SEPTIN12: variants seen among roughly 807,000 people sequenced by gnomAD.
The protein encoded by SEPTIN12 is septin-12.
A neutral mutation model predicts 37.7 loss-of-function variants in SEPTIN12; 42 were observed. The observed-to-expected ratio is 1.11, with a 90% CI of 0.87 to 1.44. The LOEUF is 1.44. SEPTIN12 is among the 40% of genes most tolerant of loss of function. SEPTIN12 has a pLI of 0.00. For synonymous variants in SEPTIN12, 254 were observed against 196.7 expected (o/e 1.29, Z -2.44); for missense variants, 613 against 479.2 (o/e 1.28, Z -2.61).
chr16:4,788,740 T>A (rs1422125000), upstream of SEPTIN12: 1 of 152,200 alleles, frequency 6.6e-6, no homozygotes, highest in Non-Finnish European at 1.5e-5. Flanking sequence ...AGCCCAAAGA[T>A]GTTAACTTGT....
chr16:4,778,025 G>A (rs373721803), intron 9 of SEPTIN12, 27 bp from the exon 10 acceptor site: 45 of 1,612,278 alleles, frequency 2.8e-5, no homozygotes, highest in Non-Finnish European at 3.6e-5. Flanking sequence ...GGTCAGCCCC[G>A]ATGGTGGTGT....
chr16:4,786,267 C>T (rs561945602), intron 2 of SEPTIN12, among the ~76,000 whole-genome samples, 162 bp from the exon 3 acceptor site: 1 of 151,778 alleles, frequency 6.6e-6, no homozygotes, highest in Admixed American at 6.6e-5. Context: ...TCGACCTTCC[C>T]AGACTCTAGT....
intron 4 of SEPTIN12, among the ~76,000 whole-genome samples, chr16:4,785,438 G>A (rs2082426351): frequency 1.3e-5 from 2 of 151,600 alleles, no homozygotes; most frequent in South Asian, 2.1e-4. Context: ...GGAGGGGCAC[G>A]GACAGGAGGG....
Position 4,777,992 on chromosome 16 carries a change from G to T in SEPTIN12, c.882C>A (p.His294Gln). The T allele has an allele frequency of 6.2e-7, 1 of 1,612,140 alleles. No homozygotes were observed. Among genetic ancestry groups the T allele is most frequent in the Non-Finnish European group, 8.5e-7 (1 of 1,179,118 alleles). ...GGGTTATGTCCTTCAGGTCTTGGAGGTGGGAGCTGGGGGACCGGAGACGGT... is the reference window on the plus strand; with the variant it reads ...GGGTTATGTCCTTCAGGTCTTGGAGTTGGGAGCTGGGGGACCGGAGACGGT... ...PLLRDLLIRS[H>Q]LQDLKDITHN... Residue 294 changes from histidine (H) to glutamine (Q), a missense_variant, in exon 10 of 10, where the codon CAC (histidine) becomes CAA (glutamine). Transcript: ENST00000268231.
intron 4 of SEPTIN12, among the ~76,000 whole-genome samples, chr16:4,784,535 G>A (rs936161055): frequency 4.1e-5 from 6 of 146,470 alleles, no homozygotes; most frequent in Non-Finnish European, 9.1e-5. Flanking sequence ...TTTGGGAGGC[G>A]GAGGCAGGAG....
Position 4,785,977 on chromosome 16 carries a change from C to T in SEPTIN12, c.292+3G>A. On this transcript the variant is annotated splice_donor_region_variant and intron_variant, in intron 3 of 9. Coordinates refer to ENST00000268231, the MANE Select transcript of SEPTIN12 (RefSeq NM_144605.5). ...GGTGAGGTGTGGGCAGGGGCTCACT[C>T]ACCATGGGTCAGTGAATGCAGCTGC... The T allele has an allele frequency of 6.2e-7, 1 of 1,612,410 alleles. No homozygotes were observed. Among genetic ancestry groups the T allele is most frequent in the Non-Finnish European group, 8.5e-7 (1 of 1,178,978 alleles).
intron 2 of SEPTIN12, 66 bp downstream of exon 2, chr16:4,787,414 G>T (rs1242706053): frequency 1.8e-5 from 26 of 1,466,138 alleles, no homozygotes; most frequent in Middle Eastern, 1.7e-4. Context: ...CCAAAGGTGA[G>T]GCCACACGCC....
chr16:4,786,741 G>A (rs1204649641), intron 2 of SEPTIN12, among the ~76,000 whole-genome samples: 2 of 152,008 alleles, frequency 1.3e-5, no homozygotes, highest in Middle Eastern at 6.3e-3. Context: ...TCCACCCTCA[G>A]GTTCAAACGA....
chr16:4,782,312 G>A (rs2082381339), intron 7 of SEPTIN12, among the ~76,000 whole-genome samples: 1 of 152,148 alleles, frequency 6.6e-6, no homozygotes, highest in South Asian at 2.1e-4. Flanking sequence ...ATAGTCCATG[G>A]TAGGGAATAG....
In SEPTIN12 at chr16:4,787,490, G is replaced by A. The variant is rs554427604; in HGVS notation, c.156C>T (p.Ile52=). 3 of 1,612,792 alleles carry A rather than the reference G, an allele frequency of 1.9e-6. No individual in the cohort carries two copies. Among genetic ancestry groups the A allele is most frequent in the Admixed American group, 1.7e-5 (1 of 60,006 alleles). Reference sequence around the variant, plus strand: ...CTACCTCTCACTCACCCACCACCATGATGTTGAACTCAAACCCCATCTTCA... The same window carrying A: ...CTACCTCTCACTCACCCACCACCATAATGTTGAACTCAAACCCCATCTTCA... ...KAMKMGFEFN[I]MVVGQSGLGK... Residue 52 remains isoleucine (I), a synonymous_variant, in exon 2 of 10, where the codon ATC becomes ATT. Transcript: ENST00000268231.
chr16:4,777,810 T>A lies in SEPTIN12; in HGVS notation c.1064A>T (p.Asp355Val). ...KVCRGAHDDS[D>V]DEF ...ATCCGCCGGTGGTCAGAACTCATCA[T>A]CAGAATCGTCATGGGCCCCCCTGCA... Residue 355 changes from aspartate (D) to valine (V), a missense_variant, in exon 10 of 10, where the codon GAT (aspartate) becomes GTT (valine). Transcript: ENST00000268231. 1 of 1,563,266 alleles carries A rather than the reference T, an allele frequency of 6.4e-7. No individual in the cohort carries two copies.
rs528678021 is a variant in SEPTIN12, at chr16:4,785,985, G to A, written c.287C>T (p.Thr96Ile). The A allele has an allele frequency of 8.7e-6, 14 of 1,613,130 alleles. No individual in the cohort carries two copies. The East Asian group carries it at 3.1e-4, about 36-fold the overall frequency. ...GTGGGCAGGGGCTCACTCACCATGG[G>A]TCAGTGAATGCAGCTGCAGCGTCTG... ...TPQTLQLHSL[T>I]HVIEEKGVKL... Residue 96 changes from threonine (T) to isoleucine (I), a missense_variant, in exon 3 of 10, where the codon ACC becomes ATC. Coordinates refer to ENST00000268231, the MANE Select transcript of SEPTIN12 (RefSeq NM_144605.5).
At chr16:4,778,024 C>T (rs758845668) in intron 9 of SEPTIN12, 26 bp from the exon 10 acceptor site, 16 of 1,612,280 alleles carry the variant, frequency 9.9e-6, no homozygotes, top group South Asian at 6.6e-5. Flanking sequence ...CGGTCAGCCC[C>T]GATGGTGGTG....
intron 3 of SEPTIN12, 27 bp downstream of exon 3, chr16:4,785,953 G>A (rs754358378): frequency 1.2e-6 from 2 of 1,610,294 alleles, no homozygotes; most frequent in East Asian, 4.5e-5. Context: ...GCAGGGTGGG[G>A]TGAGGTGTGG....
chr16:4,790,436 C>A (rs1053542716), upstream of SEPTIN12, among the ~76,000 whole-genome samples: 2 of 152,166 alleles, frequency 1.3e-5, 1 homozygote, highest in Admixed American at 1.3e-4. Context: ...CTACCTTCTG[C>A]CAGTTCTTCC....
In SEPTIN12 at chr16:4,783,662, G is replaced by T. The variant is rs775851274; in HGVS notation, c.617C>A (p.Ala206Asp). 1.2e-6 allele frequency: 2 copies of T among 1,613,922 alleles called. No homozygotes were observed. The highest frequency in any genetic ancestry group is 1.1e-5 in the South Asian group (1 of 91,080). ...CATCCAGATCACCCTGCGCCTGAAG[G>T]CCTCTCGCTCCTCCATGGTCAGGCT... ...ADSLTMEEREAFRRRIQQNLR... is the reference protein window; with the variant it reads ...ADSLTMEEREDFRRRIQQNLR... Residue 206 changes from alanine (A) to aspartate (D), a missense_variant, in exon 6 of 10, where the codon GCC becomes GAC. Ala to Asp is a moderately radical substitution (Grantham distance 126, BLOSUM62 -2). Transcript: ENST00000268231.
Position 4,783,661 on chromosome 16 carries a change from G to C in SEPTIN12, c.618C>G (p.Ala206=), listed in dbSNP as rs1427086966. The change falls in exon 6 of 10, where the codon GCC becomes GCG. Residue 206 remains alanine, a synonymous_variant. Transcript: ENST00000268231. ...ADSLTMEERE[A]FRRRIQQNLR... is the part of the protein sequence containing the mutation. ...GCATCCAGATCACCCTGCGCCTGAA[G>C]GCCTCTCGCTCCTCCATGGTCAGGC... 5 of 1,613,956 alleles carry C rather than the reference G, an allele frequency of 3.1e-6. No homozygotes were observed. Among genetic ancestry groups the C allele is most frequent in the Non-Finnish European group, 1.7e-6 (2 of 1,179,952 alleles).
chr16:4,787,431 C>G (rs759761420), intron 2 of SEPTIN12, 49 bp downstream of exon 2: 5 of 1,573,418 alleles, frequency 3.2e-6, no homozygotes, highest in Non-Finnish European at 4.3e-6. Context: ...CGCCCAGGCA[C>G]GCGTAGCACT....
At chr16:4,786,970 G>T (rs2082462298) in intron 2 of SEPTIN12, among the ~76,000 whole-genome samples, 1 of 151,954 alleles carries the variant, frequency 6.6e-6, no homozygotes, top group Admixed American at 6.6e-5. Flanking sequence ...TGCCTCCCAG[G>T]TTCAAGCAAT....
Sources: allele counts gnomAD v4.1 joint callset (sites outside exome capture counted in the v4.1 genomes callset), GRCh38; gene constraint gnomAD v4.1.1; transcripts MANE v1.5; gene names NCBI Gene and HGNC (gene_info 2026-07-23, HGNC 2026-07-21).